DST: variants seen among roughly 807,000 people sequenced by gnomAD.
The protein encoded by DST is dystonin.
A neutral mutation model predicts 875.2 loss-of-function variants in DST; 253 were observed. The observed-to-expected ratio is 0.29, with a 90% CI of 0.26 to 0.32. DST has a LOEUF of 0.32. Ranked by LOEUF, DST falls within the 10% of genes least tolerant of loss-of-function variation. DST has a pLI of 1.00. For synonymous variants in DST, 3,124 were observed against 3,197.1 expected, an observed-to-expected ratio of 0.98 and a Z score of 0.77; for missense variants, 8,287 against 9,111.6, an observed-to-expected ratio of 0.91 and a Z score of 3.68.
At chr6:56,601,169 T>C (rs1167549884) in intron 44 of DST, among the ~76,000 whole-genome samples, 2 of 152,022 alleles carry the variant, frequency 1.3e-5, no homozygotes, top group African/African-American at 4.8e-5. Context: ...AATTTCTAAG[T>C]GCATTCAAAT....
chr6:56,841,673 AT>A (rs1404719371), intron 4 of DST, among the ~76,000 whole-genome samples: 8 of 152,290 alleles, frequency 5.3e-5, no homozygotes, highest in Non-Finnish European at 2.9e-5. Flanking sequence ...GAACTTTCAG[AT>A]TTTTTTATTT....
intron 4 of DST, among the ~76,000 whole-genome samples, chr6:56,805,933 C>T (rs1467402304): frequency 6.6e-6 from 1 of 152,220 alleles, no homozygotes; most frequent in African/African-American, 2.4e-5. Flanking sequence ...GTAGACATCA[C>T]ATAGACACAG....
chr6:56,712,281 A>G (rs1234865608), intron 5 of DST, among the ~76,000 whole-genome samples: 2 of 152,098 alleles, frequency 1.3e-5, no homozygotes, highest in Non-Finnish European at 2.9e-5. Context: ...GGTAAGTACT[A>G]CTATGTCAAG....
Position 56,552,747 on chromosome 6 carries a change from T to C in DST, c.16045A>G (p.Thr5349Ala), listed in dbSNP as rs4715631. ...LVVEASDSKGTSDVLLQVETI... is the reference protein window; with the variant it reads ...LVVEASDSKGASDVLLQVETI... ...TCCACTTGTAATAAAACATCAGAGG[T>C]TCCCTTTGAGTCTGAGGCCTCTACC... The change falls in exon 61 of 104, where the codon ACC becomes GCC. Residue 5349 changes from threonine to alanine, a missense_variant. Physicochemically the swap from Thr to Ala is moderately conservative, Grantham distance 58. Transcript: ENST00000680361. 0.7 allele frequency: 1,133,317 copies of C among 1,610,246 alleles called. 400,421 individuals are homozygous for C. Among genetic ancestry groups the C allele is most frequent in the Admixed American group, 0.71 (42,794 of 59,986 alleles).
In DST at chr6:56,631,261, GACC is replaced by G; in HGVS notation, c.4089_4091del (p.Val1364del). On this transcript the variant is annotated inframe_deletion, in exon 30 of 104. Coordinates refer to ENST00000680361, the MANE Select transcript of DST (RefSeq NM_001374736.1). ...AATAGACTTGGTTCATGTTCTGAAG[GACC>G]ACATTAAGCTCTGATCGTAGGGTAG... 6.2e-7 allele frequency: 1 copy of G among 1,613,870 alleles called. No individual in the cohort carries two copies. Among genetic ancestry groups the G allele is most frequent in the Non-Finnish European group, 8.5e-7 (1 of 1,179,844 alleles).
chr6:56,946,958 A>C (rs1819829995), intron 2 of DST, among the ~76,000 whole-genome samples: 1 of 152,208 alleles, frequency 6.6e-6, no homozygotes, highest in Non-Finnish European at 1.5e-5. Flanking sequence ...TTCATATTAA[A>C]ATTTGTAATG....
chr6:56,534,999 G>A lies in DST; in HGVS notation c.16941+123C>T. The A allele has an allele frequency of 4.5e-6, 5 of 1,106,394 alleles. No homozygotes were observed. In the South Asian group the frequency reaches 7.7e-5, roughly 17 times the overall value. The allele number at this position is 1,106,394 out of a possible 1,614,324, so 68.5% of individuals were successfully genotyped here. On this transcript the variant is annotated intron_variant, in intron 63 of 103. Coordinates refer to ENST00000680361, the MANE Select transcript of DST (RefSeq NM_001374736.1). Reference sequence around the variant, plus strand: ...TTTGTCGAATGACTAACAAAATAATGTCTACAGCAGCAACAACCGGTTAAC... The same window carrying A: ...TTTGTCGAATGACTAACAAAATAATATCTACAGCAGCAACAACCGGTTAAC...
intron 4 of DST, among the ~76,000 whole-genome samples, chr6:56,793,267 T>C (rs561561121): frequency 1.3e-5 from 2 of 152,160 alleles, no homozygotes; most frequent in South Asian, 2.1e-4. Flanking sequence ...AATGGTATTA[T>C]GATTATGTAA....
intron 4 of DST, among the ~76,000 whole-genome samples, chr6:56,831,914 C>A (rs185382210): frequency 2.2e-4 from 34 of 152,134 alleles, no homozygotes; most frequent in Non-Finnish European, 1.5e-5. Context: ...GGGAACAATG[C>A]TGCTTGAATG....
At chr6:56,822,148 CAG>C (rs529035809) in intron 4 of DST, among the ~76,000 whole-genome samples, 218 of 152,280 alleles carry the variant, frequency 1.4e-3, no homozygotes, top group African/African-American at 4.9e-3. Flanking sequence ...ATGATACTGA[CAG>C]AGACGGGATT....
intron 9 of DST, among the ~76,000 whole-genome samples, chr6:56,688,565 G>T (rs892636287): frequency 1.3e-5 from 2 of 151,834 alleles, no homozygotes; most frequent in African/African-American, 4.8e-5. Flanking sequence ...TTCTCTCTTC[G>T]GCTTCTTTAC....
At chr6:56,632,134 C>A in intron 28 of DST, 94 bp from the exon 29 acceptor site, 1 of 864,726 alleles carries the variant, frequency 1.2e-6, no homozygotes, top group Non-Finnish European at 1.8e-6. Flanking sequence ...ATTACTGGGA[C>A]ACAGCTAGTC....
intron 13 of DST, among the ~76,000 whole-genome samples, chr6:56,647,185 C>A (rs772358576): frequency 4.6e-5 from 7 of 152,168 alleles, no homozygotes; most frequent in Non-Finnish European, 7.3e-5. Context: ...GTTTTGAAAT[C>A]AGAATGCAAT....
chr6:56,615,036 C>T, intron 36 of DST: 2 of 1,002,248 alleles, frequency 2.0e-6, no homozygotes, highest in Non-Finnish European at 2.4e-6. Flanking sequence ...CAGAAAAAGG[C>T]AAAACTTTTT....
In DST at chr6:56,851,702, C is replaced by T. The variant is rs1765343511; in HGVS notation, c.418-98G>A. The T allele has an allele frequency of 7.1e-6, 11 of 1,552,378 alleles. No individual in the cohort carries two copies. The South Asian group carries it at 1.1e-4, about 15-fold the overall frequency. On this transcript the variant is annotated intron_variant, in intron 3 of 103. Coordinates refer to ENST00000680361, the MANE Select transcript of DST (RefSeq NM_001374736.1). ...CCACCAACCACCGCCGCCCTCCCTG[C>T]CCCCAAACTGGGTCTGGCATATCCT... is the stretch of plus-strand genomic sequence containing the variant.
chr6:56,611,727 C>A, intron 37 of DST, 131 bp from the exon 38 acceptor site: 1 of 635,432 alleles, frequency 1.6e-6, no homozygotes, highest in African/African-American at 1.8e-5. Flanking sequence ...AAGTGAATAA[C>A]CTATCAGTTA....
chr6:56,769,795 C>A (rs2099644548), intron 4 of DST, among the ~76,000 whole-genome samples: 1 of 152,070 alleles, frequency 6.6e-6, no homozygotes, highest in Non-Finnish European at 1.5e-5. Context: ...CCAGCCTGGG[C>A]AAGTGGCGTT....
intron 5 of DST, among the ~76,000 whole-genome samples, chr6:56,711,960 G>A (rs976706539): frequency 1.5e-4 from 22 of 150,298 alleles, no homozygotes; most frequent in East Asian, 5.8e-4. Context: ...GCGTAGTGGC[G>A]GGCGCCTGTA....
At chr6:56,462,235 A>G (rs1352166964) in intron 102 of DST, among the ~76,000 whole-genome samples, 1 of 152,140 alleles carries the variant, frequency 6.6e-6, no homozygotes, top group Non-Finnish European at 1.5e-5. Flanking sequence ...TTTTGTACCT[A>G]TGTCTGTTGT....
Sources: gnomAD v4.1 joint callset for allele counts (sites outside exome capture counted in the v4.1 genomes callset) on GRCh38, gnomAD v4.1.1 for gene constraint, MANE v1.5 for transcripts, NCBI Gene and HGNC (gene_info 2026-07-23, HGNC 2026-07-21) for gene names.